CYBRD1: variants seen among roughly 807,000 people sequenced by gnomAD.
CYBRD1 encodes the protein cytochrome b reductase 1.
Under a neutral mutation model 21.9 loss-of-function variants are expected in CYBRD1, and 14 were observed. The ratio of observed to expected loss-of-function variants is 0.64; its 90% CI spans 0.42 to 1.00. The LOEUF (loss-of-function observed/expected upper bound fraction) is 1.00. Among genes scored for constraint, CYBRD1 ranks in the 50% least tolerant of loss-of-function variants. CYBRD1 has a pLI of 0.00. For missense variants in CYBRD1, 328 were observed against 352.5 expected, an observed-to-expected ratio of 0.93 and a Z score of 0.56; for synonymous variants, 146 against 136.5, an observed-to-expected ratio of 1.07 and a Z score of -0.48.
chr2:171,522,380 C>A, upstream of CYBRD1: 1 of 1,492,144 alleles, frequency 6.7e-7, no homozygotes, highest in South Asian at 1.3e-5. The surrounding 1 kb of genome is among the most constrained non-coding windows in gnomAD (Gnocchi z 4.3). Context: ...TCCCCACCCC[C>A]AAGAGGCCCC....
intron 2 of CYBRD1, among the ~76,000 whole-genome samples, chr2:171,552,106 G>A (rs1462078106): frequency 5.3e-5 from 8 of 152,138 alleles, no homozygotes; most frequent in African/African-American, 1.9e-4. Context: ...CTGTGTGTGA[G>A]CAAGAAATAT....
intron 2 of CYBRD1, among the ~76,000 whole-genome samples, chr2:171,550,763 A>C (rs1697785701): frequency 2.6e-5 from 4 of 152,174 alleles, no homozygotes; most frequent in Middle Eastern, 3.2e-3. Context: ...TAGACTGTTG[A>C]GCCCTACAGG....
At chr2:171,552,317 CA>C (rs142870083) in intron 2 of CYBRD1, among the ~76,000 whole-genome samples, 23,386 of 152,148 alleles carry the variant, frequency 0.15, 2,236 homozygotes, top group Non-Finnish European at 0.23. Context: ...GTTAAAGTGA[CA>C]AATCATACAA....
chr2:171,554,511 T>A lies in CYBRD1; in HGVS notation c.558-13T>A. The A allele has an allele frequency of 6.2e-7, 1 of 1,613,448 alleles. No individual in the cohort carries two copies. The highest frequency in any genetic ancestry group is 8.5e-7 in the Non-Finnish European group (1 of 1,179,518). The stretch of plus-strand genomic sequence containing the variant: ...CATCCTGTTTGTAATTGGATACATC[T>A]CTTATTTCATAGGAGAGATCCTGCA... On this transcript the variant is annotated splice_polypyrimidine_tract_variant and intron_variant, in intron 3 of 3. Coordinates refer to ENST00000321348, the MANE Select transcript of CYBRD1 (RefSeq NM_024843.4).
chr2:171,554,602 G>T lies in CYBRD1; in HGVS notation c.636G>T (p.Gly212=). The T allele has an allele frequency of 6.2e-7, 1 of 1,613,936 alleles. No individual in the cohort carries two copies. Among genetic ancestry groups the T allele is most frequent in the Non-Finnish European group, 8.5e-7 (1 of 1,179,958 alleles). ...NTLGLLILVF[G]ALIFWIVTRP... ...TTGGCCTTCTGATCCTGGTGTTCGG[G>T]GCCCTCATTTTTTGGATAGTCACCA... The change falls in exon 4 of 4, where the codon GGG becomes GGT. Residue 212 remains glycine, a synonymous_variant. Coordinates refer to ENST00000321348, the MANE Select transcript of CYBRD1 (RefSeq NM_024843.4).
At chr2:171,550,491 T>C (rs1433238124) in intron 2 of CYBRD1, among the ~76,000 whole-genome samples, 1 of 152,166 alleles carries the variant, frequency 6.6e-6, no homozygotes, top group Non-Finnish European at 1.5e-5. Context: ...AATTATCACC[T>C]TCACTTGTAA....
At chr2:171,530,881 T>G (rs1697454673) in intron 1 of CYBRD1, among the ~76,000 whole-genome samples, 1 of 152,044 alleles carries the variant, frequency 6.6e-6, no homozygotes, top group African/African-American at 2.4e-5. Context: ...TCTTCCTTTT[T>G]AAGAAAGATA....
intron 3 of CYBRD1, among the ~76,000 whole-genome samples, chr2:171,553,925 AG>A (rs1217649776): frequency 6.6e-6 from 1 of 152,246 alleles, no homozygotes; most frequent in African/African-American, 2.4e-5. Flanking sequence ...AAGCAACAAA[AG>A]CAGAGAGTTA....
At chr2:171,541,861 C>CTT (rs57998592) in intron 2 of CYBRD1, 68 bp downstream of exon 2, 7,787 of 726,454 alleles carry the variant, frequency 0.011, no homozygotes, top group Middle Eastern at 0.014. Context: ...GTTTTCTTTT[C>CTT]TTTTTTTTTT....
chr2:171,538,567 T>A (rs1218133409), intron 1 of CYBRD1, among the ~76,000 whole-genome samples: 1 of 152,078 alleles, frequency 6.6e-6, no homozygotes, highest in East Asian at 1.9e-4. Flanking sequence ...CACACTAAAT[T>A]TAGTAAGTAG....
chr2:171,550,101 A>G (rs956472083), intron 2 of CYBRD1, among the ~76,000 whole-genome samples: 2 of 151,902 alleles, frequency 1.3e-5, no homozygotes, highest in Non-Finnish European at 2.9e-5. Flanking sequence ...TTTATTTTTT[A>G]TTTTTTTGTT....
At chr2:171,544,071 T>C (rs1249267652) in intron 2 of CYBRD1, among the ~76,000 whole-genome samples, 15 of 152,204 alleles carry the variant, frequency 9.9e-5, no homozygotes, top group Admixed American at 9.8e-4. Flanking sequence ...CCTTACCAGC[T>C]TGCACCCTCT....
chr2:171,525,970 A>G (rs920316535), intron 1 of CYBRD1, among the ~76,000 whole-genome samples: 1 of 150,442 alleles, frequency 6.6e-6, no homozygotes. Context: ...AAAAAAAAAA[A>G]AAGAAGTAGG....
intron 3 of CYBRD1, among the ~76,000 whole-genome samples, chr2:171,553,703 T>A (rs1014050050): frequency 6.6e-6 from 1 of 152,212 alleles, no homozygotes; most frequent in Non-Finnish European, 1.5e-5. Context: ...ATTGTATTAC[T>A]CTTATGAAAC....
chr2:171,542,989 A>C (rs997995631), intron 2 of CYBRD1, among the ~76,000 whole-genome samples: 5 of 152,234 alleles, frequency 3.3e-5, no homozygotes, highest in Non-Finnish European at 5.9e-5. Context: ...CTTAAAATAC[A>C]TAAGCTATTT....
At chr2:171,526,258 T>A (rs987290818) in intron 1 of CYBRD1, among the ~76,000 whole-genome samples, 1 of 151,320 alleles carries the variant, frequency 6.6e-6, no homozygotes, top group Non-Finnish European at 1.5e-5. Flanking sequence ...CAGAGTGAGA[T>A]TCTGTCTCGA....
rs970551205 is a variant in CYBRD1 at position 171,553,637 on chromosome 2, A to G, written c.557+137A>G. The G allele has an allele frequency of 5.4e-6, 4 of 746,770 alleles. No homozygotes were observed. The African/African-American group carries it at 7.3e-5, about 14-fold the overall frequency. The allele number at this position is 746,770 out of a possible 1,614,324, so 46.3% of individuals were successfully genotyped here. On this transcript the variant is annotated intron_variant, in intron 3 of 3. Coordinates refer to ENST00000321348, the MANE Select transcript of CYBRD1 (RefSeq NM_024843.4). ...AAAAATATTTTAAAGAATTTGTTATATCATATAGGTAATATGATATTACTA... is the reference window on the plus strand; with the variant it reads ...AAAAATATTTTAAAGAATTTGTTATGTCATATAGGTAATATGATATTACTA...
intron 2 of CYBRD1, among the ~76,000 whole-genome samples, chr2:171,550,544 A>G (rs1697783186): frequency 6.6e-6 from 1 of 152,190 alleles, no homozygotes; most frequent in African/African-American, 2.4e-5. Flanking sequence ...ATGATTATTT[A>G]TAAATTATAA....
chr2:171,522,403 A>G, upstream of CYBRD1: 1 of 1,500,580 alleles, frequency 6.7e-7, no homozygotes, highest in Non-Finnish European at 8.9e-7. This position sits in a 1 kb window ranked among gnomAD's most constrained non-coding sequence, Gnocchi z 4.3. Context: ...ATTCCGGGCC[A>G]GCAGCCCAGA....
Sources: gnomAD v4.1 joint callset for allele counts (sites outside exome capture counted in the v4.1 genomes callset) on GRCh38, gnomAD v4.1.1 for gene constraint, Gnocchi (gnomAD v3.1) non-coding constraint, MANE v1.5 for transcripts, NCBI Gene and HGNC (gene_info 2026-07-23, HGNC 2026-07-21) for gene names.